The following KLHL12 variants were observed in gnomAD, a reference collection of about 807,000 sequenced individuals.
KLHL12 encodes kelch-like protein 12.
Under a neutral mutation model 60.8 loss-of-function variants are expected in KLHL12, and 17 were observed. That is an observed-to-expected ratio of 0.28 (90% CI 0.19 to 0.42). The LOEUF (loss-of-function observed/expected upper bound fraction) is 0.42, where lower values mean the gene tolerates loss of function less well. KLHL12 is among the 10% of genes least tolerant of loss of function. The pLI is 1.00. For synonymous variants in KLHL12, 220 were observed against 250.9 expected (o/e 0.88, Z 1.16); for missense variants, 468 against 722.3 (o/e 0.65, Z 4.04).
chr1:202,910,964 T>C, intron 5 of KLHL12, 90 bp downstream of exon 5: 3 of 1,423,058 alleles, frequency 2.1e-6, no homozygotes, highest in Non-Finnish European at 2.9e-6. Context: ...GGAGACTCTG[T>C]GCCTACATTA....
chr1:202,927,381 A>C, upstream of KLHL12: 1 of 616,534 alleles, frequency 1.6e-6, no homozygotes, highest in Non-Finnish European at 2.0e-6. Flanking sequence ...TAGGAAGCCG[A>C]ATTACAAAAA....
intron 9 of KLHL12, 110 bp downstream of exon 9, chr1:202,894,481 G>A: frequency 1.8e-6 from 2 of 1,082,396 alleles, no homozygotes. Context: ...GACACACCAG[G>A]GTTTTAGTTG....
chr1:202,926,386 A>C (rs1653555280), intron 1 of KLHL12, among the ~76,000 whole-genome samples: 1 of 152,164 alleles, frequency 6.6e-6, no homozygotes, highest in Non-Finnish European at 1.5e-5. Context: ...TGAGATCCTA[A>C]ATTCTCATCT....
intron 3 of KLHL12, 39 bp downstream of exon 3, chr1:202,919,716 T>C (rs1293004482): frequency 6.4e-7 from 1 of 1,565,384 alleles, no homozygotes; most frequent in Non-Finnish European, 8.7e-7. Flanking sequence ...TTTCCAGGGC[T>C]ATTTTGACAT....
rs1659704896 is a variant in KLHL12, at chr1:202,892,447, A to C, written c.*86T>G. 1.3e-6 allele frequency: 2 copies of C among 1,497,478 alleles called. No individual in the cohort carries two copies. The highest frequency in any genetic ancestry group is 2.4e-5 in the South Asian group (2 of 82,756). 92.8% of individuals were successfully genotyped at this position (1,497,478 alleles called of 1,614,324 possible). A position where few individuals can be genotyped will look rare whatever the true frequency, so the allele number is the denominator to read the frequency against. Reference sequence around the variant, plus strand: ...TAATCACCCGGTGCACATAGTGAGAAACAGACATTCTGGAAAGGATTTTTG... The same window carrying C: ...TAATCACCCGGTGCACATAGTGAGACACAGACATTCTGGAAAGGATTTTTG... On this transcript the variant is annotated 3_prime_UTR_variant, in exon 12 of 12. Transcript: ENST00000367261.
At chr1:202,905,967 G>GTTTTTT (rs1660171066) in intron 6 of KLHL12, among the ~76,000 whole-genome samples, 1 of 62,706 alleles carries the variant, frequency 1.6e-5, no homozygotes, top group African/African-American at 4.9e-5. Flanking sequence ...ACCACACCTG[G>GTTTTTT]CTTTTTTTTT....
intron 4 of KLHL12, 63 bp from the exon 5 acceptor site, chr1:202,911,266 G>GT: frequency 6.4e-7 from 1 of 1,553,656 alleles, no homozygotes; most frequent in Admixed American, 1.7e-5. Context: ...ATCTCAAAAC[G>GT]TAACCACGTT....
At chr1:202,894,311 G>C (rs1316593704) in intron 9 of KLHL12, 29 bp from the exon 10 acceptor site, 13 of 1,438,092 alleles carry the variant, frequency 9.0e-6, no homozygotes, top group East Asian at 2.5e-5. Context: ...TCCAGAAAGA[G>C]TGGTAAATCC....
In KLHL12 at chr1:202,900,778, C is replaced by T. The variant is rs1272490209; in HGVS notation, c.833-3818G>A. On this transcript the variant is annotated intron_variant, in intron 6 of 11. Coordinates refer to ENST00000367261, the MANE Select transcript of KLHL12 (RefSeq NM_021633.4). Reference sequence around the variant, plus strand: ...ACTTGGGAGGGTGAGGCACGAGAATCGCTTGAACCTGGGAGATGCAGGTTG... The same window carrying T: ...ACTTGGGAGGGTGAGGCACGAGAATTGCTTGAACCTGGGAGATGCAGGTTG... 4.6e-5 allele frequency among the ~76,000 whole-genome samples: 7 copies of T among 152,082 alleles called. 1 individual carries two copies. In the East Asian group the frequency reaches 5.8e-4, roughly 13 times the overall value.
At chr1:202,919,649 A>T in intron 3 of KLHL12, 106 bp downstream of exon 3, 1 of 1,052,328 alleles carries the variant, frequency 9.5e-7, no homozygotes, top group Non-Finnish European at 1.4e-6. Flanking sequence ...AAACATGAAC[A>T]TCCATAGTTT....
At chr1:202,922,209 T>C (rs913499034) in intron 2 of KLHL12, among the ~76,000 whole-genome samples, 2 of 152,182 alleles carry the variant, frequency 1.3e-5, no homozygotes, top group African/African-American at 4.8e-5. Flanking sequence ...TCTCATTTAC[T>C]ACTATTTCAT....
intron 6 of KLHL12, among the ~76,000 whole-genome samples, chr1:202,904,420 A>G (rs1430370374): frequency 6.6e-6 from 1 of 151,984 alleles, no homozygotes; most frequent in Non-Finnish European, 1.5e-5. Context: ...TTCTTCCACT[A>G]TTTTGTGCCT....
Position 202,895,657 on chromosome 1 carries a change from T to C in KLHL12, c.1000A>G (p.Ile334Val). 6.2e-7 allele frequency: 1 copy of C among 1,614,160 alleles called. No individual in the cohort carries two copies. The highest frequency in any genetic ancestry group is 8.5e-7 in the Non-Finnish European group (1 of 1,180,030). ...CGGGAACGGCCATCATAGCCACCAA[T>C]GACGTAGATCCGGTCATGAAGGGAC... ...SVSLHDRIYV[I>V]GGYDGRSRLS... is the part of the protein sequence containing the mutation. Residue 334 changes from isoleucine to valine, a missense_variant, in exon 8 of 12, where the codon ATT becomes GTT. Ile to Val is a conservative substitution (Grantham distance 29, BLOSUM62 3). Transcript: ENST00000367261. The surrounding 1 kb of genome is among the most constrained non-coding windows in gnomAD (Gnocchi z 4.2).
chr1:202,925,597 T>C (rs868544110), intron 1 of KLHL12, among the ~76,000 whole-genome samples: 24 of 152,312 alleles, frequency 1.6e-4, no homozygotes, highest in African/African-American at 5.3e-4. Context: ...TAGATAAGTA[T>C]TTAGAGCATA....
intron 6 of KLHL12, among the ~76,000 whole-genome samples, chr1:202,905,968 CTTTTTTTTTTTT>C (rs71142574): frequency 4.6e-4 from 24 of 51,674 alleles, no homozygotes; most frequent in Middle Eastern, 0.033. Flanking sequence ...CCACACCTGG[CTTTTTTTTTTTT>C]TTTTTTTTTT....
At chr1:202,923,810 C>G (rs1322358726) in intron 2 of KLHL12, among the ~76,000 whole-genome samples, 1 of 151,052 alleles carries the variant, frequency 6.6e-6, no homozygotes, top group African/African-American at 2.4e-5. Flanking sequence ...GAATACGCCT[C>G]TCCCATTCTG....
chr1:202,906,455 CAAA>C (rs59435824), intron 6 of KLHL12, among the ~76,000 whole-genome samples: 7 of 52,746 alleles, frequency 1.3e-4, no homozygotes, highest in African/African-American at 2.1e-4. Flanking sequence ...CGCTTCGTCT[CAAA>C]AAAAAAAAAA....
chr1:202,915,261 C>T (rs1407689061), intron 4 of KLHL12, among the ~76,000 whole-genome samples: 1 of 152,080 alleles, frequency 6.6e-6, no homozygotes, highest in Non-Finnish European at 1.5e-5. Context: ...AGACTAAATC[C>T]CAGTTGGACT....
At chr1:202,925,373 T>C (rs1218522159) in intron 1 of KLHL12, among the ~76,000 whole-genome samples, 166 bp from the exon 2 acceptor site, 1 of 152,204 alleles carries the variant, frequency 6.6e-6, no homozygotes, top group Non-Finnish European at 1.5e-5. Context: ...CTAGCCACTA[T>C]CTAGTCCATG....
Sources: gnomAD v4.1 joint callset for allele counts (sites outside exome capture counted in the v4.1 genomes callset) on GRCh38, gnomAD v4.1.1 for gene constraint, Gnocchi (gnomAD v3.1) non-coding constraint, MANE v1.5 for transcripts, NCBI Gene and HGNC (gene_info 2026-07-23, HGNC 2026-07-21) for gene names.